Variants in CA10 observed in about 807,000 individuals in gnomAD.
CA10 encodes carbonic anhydrase 10 (inactive).
CA10 carries 14 observed loss-of-function variants against 44.2 expected under a neutral mutation model. The ratio of observed to expected loss-of-function variants is 0.32; its 90% CI spans 0.21 to 0.50. The LOEUF (loss-of-function observed/expected upper bound fraction) is 0.50, where lower values mean the gene tolerates loss of function less well. CA10 is among the 20% of genes least tolerant of loss of function. CA10 has a pLI of 0.99. For missense variants in CA10, 350 were observed against 409.7 expected (o/e 0.85, Z 1.26); for synonymous variants, 159 against 141.6 (o/e 1.12, Z -0.87).
intron 2 of CA10, among the ~76,000 whole-genome samples, chr17:51,975,758 G>C (rs1187267889): frequency 6.6e-6 from 1 of 151,754 alleles, no homozygotes; most frequent in African/African-American, 2.4e-5. Flanking sequence ...AGCTACTGAG[G>C]AGGCTAAGGC....
At chr17:51,825,115 G>A (rs1174183599) in intron 3 of CA10, among the ~76,000 whole-genome samples, 1 of 152,194 alleles carries the variant, frequency 6.6e-6, no homozygotes. Context: ...AACAAAAATG[G>A]AAATCATTAG....
intron 3 of CA10, among the ~76,000 whole-genome samples, chr17:51,892,955 C>T (rs1980921594): frequency 6.6e-6 from 1 of 152,112 alleles, no homozygotes; most frequent in African/African-American, 2.4e-5. Context: ...GTATTAGACA[C>T]TATGGCTTTA....
At chr17:51,754,409 ATATATATAT>A (rs1441879281) in intron 3 of CA10, among the ~76,000 whole-genome samples, 1 of 42,238 alleles carries the variant, frequency 2.4e-5, no homozygotes, top group Non-Finnish European at 4.4e-5. Context: ...TGATATATAT[ATATATATAT>A]ATATATATAT....
At chr17:51,885,952 G>A (rs1216129217) in intron 3 of CA10, among the ~76,000 whole-genome samples, 2 of 152,354 alleles carry the variant, frequency 1.3e-5, no homozygotes, top group African/African-American at 2.4e-5. Flanking sequence ...TGGGAAAGAT[G>A]AGGTTTCTAA....
intron 1 of CA10, among the ~76,000 whole-genome samples, chr17:52,119,913 C>T (rs1334805502): frequency 6.6e-6 from 1 of 152,162 alleles, no homozygotes. Context: ...AACCAGTGAT[C>T]TCCAACTGCA....
At chr17:52,116,137 A>G (rs139232247) in intron 1 of CA10, among the ~76,000 whole-genome samples, 110 of 151,550 alleles carry the variant, frequency 7.3e-4, no homozygotes, top group African/African-American at 2.5e-3. Context: ...ACCCATTTAC[A>G]TAAGAATAAG....
intron 7 of CA10, among the ~76,000 whole-genome samples, chr17:51,635,492 G>A (rs568646080): frequency 6.6e-6 from 1 of 151,858 alleles, no homozygotes; most frequent in Admixed American, 6.6e-5. Context: ...CAGCCTGGGT[G>A]ACAAGAGCGA....
chr17:51,730,074 C>T (rs1916663522), intron 4 of CA10, among the ~76,000 whole-genome samples: 1 of 152,214 alleles, frequency 6.6e-6, no homozygotes, highest in African/African-American at 2.4e-5. Context: ...AATCCTCTAG[C>T]AGTGGCTCCA....
intron 2 of CA10, among the ~76,000 whole-genome samples, chr17:51,997,296 ACCT>A (rs1279583043): frequency 1.3e-5 from 2 of 151,964 alleles, no homozygotes; most frequent in African/African-American, 4.8e-5. Context: ...ATCCATCCAT[ACCT>A]AGCGCTGTTT....
intron 1 of CA10, among the ~76,000 whole-genome samples, chr17:52,146,060 T>C (rs1028248090): frequency 3.9e-5 from 6 of 152,140 alleles, no homozygotes; most frequent in Admixed American, 6.5e-5. Context: ...AAATAATGCA[T>C]ATTGAAGTAG....
At chr17:52,036,927 G>A (rs191561361) in intron 2 of CA10, among the ~76,000 whole-genome samples, 182 of 152,210 alleles carry the variant, frequency 1.2e-3, no homozygotes, top group Non-Finnish European at 8.4e-4. Context: ...CTACTGAGGC[G>A]GGCAAGGCCA....
At chr17:52,058,817 CCACT>C (rs1257775121) in intron 2 of CA10, among the ~76,000 whole-genome samples, 1 of 152,026 alleles carries the variant, frequency 6.6e-6, no homozygotes, top group African/African-American at 2.4e-5. Flanking sequence ...GTGGATCCCA[CCACT>C]CATGTCTCAC....
intron 2 of CA10, among the ~76,000 whole-genome samples, chr17:51,974,199 C>A (rs1984377655): frequency 6.6e-6 from 1 of 151,878 alleles, no homozygotes; most frequent in Non-Finnish European, 1.5e-5. Flanking sequence ...TCCTGGCCAA[C>A]ATGGTGAAAC....
In CA10 at chr17:51,890,311, G is replaced by A. The variant is rs530971359; in HGVS notation, c.279+40679C>T. On this transcript the variant is annotated intron_variant, in intron 3 of 8. Coordinates refer to ENST00000451037, the MANE Select transcript of CA10 (RefSeq NM_020178.5). ...GTGAAGACTTCAGACCATGACATCT[G>A]CAGATGTTGGGCTTCAGTTGTGGGT... is the stretch of plus-strand genomic sequence containing the variant. 1.1e-4 allele frequency among the ~76,000 whole-genome samples: 16 copies of A among 152,274 alleles called. 1 individual carries two copies. In the South Asian group the frequency reaches 3.3e-3, roughly 32 times the overall value.
chr17:52,000,515 T>C (rs190400181), intron 2 of CA10, among the ~76,000 whole-genome samples: 28 of 152,178 alleles, frequency 1.8e-4, no homozygotes, highest in African/African-American at 5.5e-4. Context: ...GTATGTCTCT[T>C]TGACTTTCGC....
intron 4 of CA10, among the ~76,000 whole-genome samples, chr17:51,718,560 A>G (rs1916251030): frequency 6.6e-6 from 1 of 152,166 alleles, no homozygotes; most frequent in Non-Finnish European, 1.5e-5. Context: ...TATCTTTTGT[A>G]ATACCCTTTG....
intron 3 of CA10, among the ~76,000 whole-genome samples, chr17:51,751,605 G>A (rs1468929476): frequency 6.6e-6 from 1 of 152,162 alleles, no homozygotes; most frequent in African/African-American, 2.4e-5. Context: ...TCTTCCCCAT[G>A]TCTTCCCCAA....
intron 3 of CA10, among the ~76,000 whole-genome samples, chr17:51,836,424 T>G (rs1031618431): frequency 5.9e-5 from 9 of 152,314 alleles, no homozygotes; most frequent in Non-Finnish European, 1.2e-4. Flanking sequence ...GCAAAGGCAG[T>G]CTGGTAAAGA....
intron 2 of CA10, among the ~76,000 whole-genome samples, chr17:51,991,032 C>T (rs1208296369): frequency 6.6e-6 from 1 of 152,144 alleles, no homozygotes; most frequent in Non-Finnish European, 1.5e-5. Flanking sequence ...GGGCAAGTTA[C>T]TCAGGCTCTC....
Sources: gnomAD v4.1 joint callset for allele counts (sites outside exome capture counted in the v4.1 genomes callset) on GRCh38, gnomAD v4.1.1 for gene constraint, MANE v1.5 for transcripts, NCBI Gene and HGNC (gene_info 2026-07-23, HGNC 2026-07-21) for gene names.